The following GABBR2 variants were observed in gnomAD, a reference collection of about 807,000 sequenced individuals.
GABBR2 encodes the protein G-protein coupled receptor 51.
In GABBR2, 23 loss-of-function variants were observed where a neutral mutation model predicts 105.6. The observed-to-expected ratio is 0.22, with a 90% confidence interval of 0.16 to 0.31. The LOEUF (loss-of-function observed/expected upper bound fraction) is 0.31. GABBR2 is among the 10% of genes least tolerant of loss of function. The pLI is 1.00. For missense variants in GABBR2, 734 were observed against 1,245.5 expected (o/e 0.59, Z 6.18); for synonymous variants, 478 against 499.7 (o/e 0.96, Z 0.58).
intron 7 of GABBR2, among the ~76,000 whole-genome samples, chr9:98,448,599 G>A (rs1826178214): frequency 6.6e-6 from 1 of 151,716 alleles, no homozygotes; most frequent in Non-Finnish European, 1.5e-5. Flanking sequence ...GTATTTTTTT[G>A]TAGAGACAAG....
At chr9:98,593,680 G>C (rs1829181349) in intron 1 of GABBR2, among the ~76,000 whole-genome samples, 1 of 152,174 alleles carries the variant, frequency 6.6e-6, no homozygotes, top group South Asian at 2.1e-4. Context: ...CCCCGAATCT[G>C]ACAGTCCTTC....
intron 11 of GABBR2, among the ~76,000 whole-genome samples, chr9:98,385,412 G>A (rs1393540299): frequency 6.6e-6 from 1 of 152,030 alleles, no homozygotes; most frequent in African/African-American, 2.4e-5. Context: ...TCACCATGTT[G>A]CCCGGGCTGG....
chr9:98,674,128 C>A (rs776948077), intron 1 of GABBR2, among the ~76,000 whole-genome samples: 2 of 152,128 alleles, frequency 1.3e-5, no homozygotes, highest in Non-Finnish European at 2.9e-5. Context: ...ATAAACTTCC[C>A]TTGGCAGTTC....
rs145778517 is a variant in GABBR2 at position 98,658,370 on chromosome 9, T to G, written c.321+50047A>C. Among the ~76,000 whole-genome samples, 3 of 150,174 alleles carry G rather than the reference T, an allele frequency of 2.0e-5. No homozygotes were observed. The Admixed American group carries it at 2.0e-4, about 10-fold the overall frequency. Reference sequence around the variant, plus strand: ...CCCCAGGTGCTCCATGGGTACAGCTTCAGTGGAGAGCCACTGTGTTGAATG... The same window carrying G: ...CCCCAGGTGCTCCATGGGTACAGCTGCAGTGGAGAGCCACTGTGTTGAATG... On this transcript the variant is annotated intron_variant, in intron 1 of 18. Transcript: ENST00000259455.
intron 1 of GABBR2, among the ~76,000 whole-genome samples, chr9:98,648,446 C>T (rs2131843707): frequency 6.6e-6 from 1 of 152,226 alleles, no homozygotes; most frequent in South Asian, 2.1e-4. Context: ...ACAGGATATA[C>T]TTCTACCACC....
intron 7 of GABBR2, among the ~76,000 whole-genome samples, chr9:98,425,988 G>C (rs1825678560): frequency 6.6e-6 from 1 of 152,176 alleles, no homozygotes; most frequent in East Asian, 1.9e-4. Flanking sequence ...GTATGTAATA[G>C]GTGCTCCATA....
At chr9:98,519,738 CAGAT>C (rs1827830228) in intron 3 of GABBR2, among the ~76,000 whole-genome samples, 1 of 146,544 alleles carries the variant, frequency 6.8e-6, no homozygotes, top group South Asian at 2.1e-4. Context: ...GGTAAAGGGT[CAGAT>C]AGTAAATACT....
Position 98,481,129 on chromosome 9 carries a change from G to A in GABBR2, c.733-132C>T, listed in dbSNP as rs1054491973. On this transcript the variant is annotated intron_variant, in intron 4 of 18. Coordinates refer to ENST00000259455, the MANE Select transcript of GABBR2 (RefSeq NM_005458.8). ...AGCTCTGCCTGGGAAGGTGGGCAGGGCAGAACCTCACCCCCAACCCCAGCC... is the reference window on the plus strand; with the variant it reads ...AGCTCTGCCTGGGAAGGTGGGCAGGACAGAACCTCACCCCCAACCCCAGCC... The A allele has an allele frequency of 5.8e-6, 4 of 689,400 alleles. No individual in the cohort carries two copies. In the African/African-American group the frequency reaches 7.0e-5, roughly 12 times the overall value. The allele number at this position is 689,400 out of a possible 1,614,324, so 42.7% of individuals were successfully genotyped here. A position where few individuals can be genotyped will look rare whatever the true frequency, so the allele number is the denominator to read the frequency against.
chr9:98,580,683 AAGGCTGAGGC>A (rs1828988124), intron 1 of GABBR2, among the ~76,000 whole-genome samples: 1 of 152,040 alleles, frequency 6.6e-6, no homozygotes, highest in African/African-American at 2.4e-5. Flanking sequence ...GGCTACTCAG[AAGGCTGAGGC>A]AGGAGAATCG....
chr9:98,447,533 ATGTATGTGTGTGTG>A (rs1826155043), intron 7 of GABBR2, among the ~76,000 whole-genome samples: 2 of 105,072 alleles, frequency 1.9e-5, no homozygotes, highest in African/African-American at 3.6e-5. Context: ...TGTAACTAGT[ATGTATGTGTGTGTG>A]TGTGTGTGTG....
intron 1 of GABBR2, among the ~76,000 whole-genome samples, chr9:98,646,605 C>A (rs368429308): frequency 6.6e-6 from 1 of 152,170 alleles, no homozygotes; most frequent in Non-Finnish European, 1.5e-5. Flanking sequence ...GGGACTCCAA[C>A]GCATCTTCAA....
chr9:98,305,428 C>T (rs980904754), intron 15 of GABBR2, among the ~76,000 whole-genome samples: 5 of 152,148 alleles, frequency 3.3e-5, no homozygotes, highest in African/African-American at 1.2e-4. Flanking sequence ...AAGGAAATTC[C>T]CTCAATGACA....
At chr9:98,540,532 G>A (rs1451695410) in intron 3 of GABBR2, among the ~76,000 whole-genome samples, 2 of 152,172 alleles carry the variant, frequency 1.3e-5, no homozygotes, top group African/African-American at 2.4e-5. Flanking sequence ...GAGCTGCAGT[G>A]GAAACCAGGT....
intron 1 of GABBR2, among the ~76,000 whole-genome samples, chr9:98,605,699 GCACAT>G (rs1296120406): frequency 2.0e-5 from 3 of 152,170 alleles, no homozygotes; most frequent in Non-Finnish European, 4.4e-5. Context: ...TGAGACTCCA[GCACAT>G]CACTTAACCT....
At chr9:98,318,382 G>A (rs1321595700) in intron 13 of GABBR2, among the ~76,000 whole-genome samples, 4 of 152,174 alleles carry the variant, frequency 2.6e-5, no homozygotes, top group Admixed American at 2.6e-4. Context: ...TTTGTCACCC[G>A]CACACCTCTG....
intron 7 of GABBR2, among the ~76,000 whole-genome samples, chr9:98,412,304 A>G (rs112557451): frequency 6.6e-6 from 1 of 152,268 alleles, no homozygotes; most frequent in African/African-American, 2.4e-5. Context: ...ACTGAGGGAC[A>G]GTCTCTGCAG....
chr9:98,708,788 C>T lies in GABBR2; in HGVS notation c.-51G>A, dbSNP rs1830939915. The T allele has an allele frequency of 1.0e-6, 1 of 968,202 alleles. No individual in the cohort carries two copies. The highest frequency in any genetic ancestry group is 1.8e-5 in the African/African-American group (1 of 56,334). The allele number at this position is 968,202 out of a possible 1,614,324, so 60.0% of individuals were successfully genotyped here. On this transcript the variant is annotated 5_prime_UTR_variant, in exon 1 of 19. Transcript: ENST00000259455. Reference sequence around the variant, plus strand: ...GCTCACTCGGCCCGCATGGCCTGGCCCGGCCCGCCGCCCCGCGCCAAGGTC... The same window carrying T: ...GCTCACTCGGCCCGCATGGCCTGGCTCGGCCCGCCGCCCCGCGCCAAGGTC...
intron 2 of GABBR2, among the ~76,000 whole-genome samples, chr9:98,577,390 A>G (rs373270566): frequency 1.3e-5 from 2 of 152,264 alleles, no homozygotes; most frequent in African/African-American, 2.4e-5. Flanking sequence ...AAAATCTGCC[A>G]GGGCAAAGAG....
chr9:98,593,232 T>A (rs986708872), intron 1 of GABBR2, among the ~76,000 whole-genome samples: 5 of 152,174 alleles, frequency 3.3e-5, no homozygotes, highest in Admixed American at 3.3e-4. Context: ...ATTTCCGGAA[T>A]GTTTTCATTA....
Sources: gnomAD v4.1 joint callset for allele counts (sites outside exome capture counted in the v4.1 genomes callset) on GRCh38, gnomAD v4.1.1 for gene constraint, MANE v1.5 for transcripts, NCBI Gene and HGNC (gene_info 2026-07-23, HGNC 2026-07-21) for gene names.